Variants in SLX4 observed in about 807,000 individuals in gnomAD.
SLX4 encodes the protein SLX4 structure-specific endonuclease subunit.
Under a neutral mutation model 146.2 loss-of-function variants are expected in SLX4, and 112 were observed. The observed-to-expected ratio is 0.77, with a 90% CI of 0.66 to 0.90. The LOEUF is 0.90. Among genes scored for constraint, SLX4 ranks in the 40% least tolerant of loss-of-function variants. The probability of loss-of-function intolerance (pLI) is 0.00; values close to 1 mark genes in which losing one functional copy is unlikely to be tolerated. For missense variants in SLX4, 2,563 were observed against 2,392.7 expected (o/e 1.07, Z -1.49); for synonymous variants, 1,061 against 997.7 (o/e 1.06, Z -1.20).
chr16:3,587,026 G>A (rs1243395105), intron 12 of SLX4, among the ~76,000 whole-genome samples: 2 of 152,176 alleles, frequency 1.3e-5, no homozygotes, highest in African/African-American at 4.8e-5. Flanking sequence ...GCTGGGGGAA[G>A]GGGAAGGTGA....
At chr16:3,601,368 T>A in intron 4 of SLX4, 177 bp from the exon 5 acceptor site, 1 of 656,066 alleles carries the variant, frequency 1.5e-6, no homozygotes, top group South Asian at 1.7e-5. Context: ...TACACTTAGG[T>A]ATCTGTCAGC....
Position 3,597,862 on chromosome 16 carries a change from G to C in SLX4, c.1301C>G (p.Pro434Arg), listed in dbSNP as rs763337738. The change falls in exon 6 of 15, where the codon CCG becomes CGG. Residue 434 changes from proline (P) to arginine (R), a missense_variant. Physicochemically the swap from Pro to Arg is moderately radical, Grantham distance 103. Transcript: ENST00000294008. This position sits in a 1 kb window ranked among gnomAD's most constrained non-coding sequence, Gnocchi z 4.4. ...CCTGAGCGCTGGTACAGCCGCACCC[G>C]GCTCCATCTCCGACCGGGACAGAGC... ...AMALSRSEMEPGAAVPALRLE... is the reference protein window; with the variant it reads ...AMALSRSEMERGAAVPALRLE... 3 of 1,614,106 alleles carry C rather than the reference G, an allele frequency of 1.9e-6. No individual in the cohort carries two copies. The highest frequency in any genetic ancestry group is 2.5e-6 in the Non-Finnish European group (3 of 1,180,038).
chr16:3,597,246 C>CT lies in SLX4; in HGVS notation c.1683+132dup. 9.6e-7 allele frequency: 1 copy of CT among 1,036,764 alleles called. No individual in the cohort carries two copies. The highest frequency in any genetic ancestry group is 1.7e-5 in the South Asian group (1 of 58,818). The allele number at this position is 1,036,764 out of a possible 1,614,324, so 64.2% of individuals were successfully genotyped here. A position where few individuals can be genotyped will look rare whatever the true frequency, so the allele number is the denominator to read the frequency against. On this transcript the variant is annotated intron_variant, in intron 7 of 14. Transcript: ENST00000294008. This position sits in a 1 kb window ranked among gnomAD's most constrained non-coding sequence, Gnocchi z 4.4. ...AGAAAGCTGCAGCCACCAAGTGCCC[C>CT]TCTGGCCTCCTCCCGCCTCTGCCTT...
Position 3,594,456 on chromosome 16 carries a change from C to T in SLX4, c.2157G>A (p.Gln719=), listed in dbSNP as rs768316000. 6.2e-7 allele frequency: 1 copy of T among 1,612,924 alleles called. No homozygotes were observed. Among genetic ancestry groups the T allele is most frequent in the Non-Finnish European group, 8.5e-7 (1 of 1,179,534 alleles). The stretch of plus-strand genomic sequence containing the variant: ...ACACGGCAGCCCACGTACTTACATA[C>T]TGGATGAGGAGCGGGCATCGGGCAT... The part of the protein sequence containing the change: ...VLYARCPLLI[Q]YVNNEGFSAV... The change falls in exon 10 of 15, where the codon CAG becomes CAA. Residue 719 remains glutamine, a synonymous_variant. Transcript: ENST00000294008.
intron 3 of SLX4, among the ~76,000 whole-genome samples, chr16:3,605,692 A>G (rs1393915557): frequency 6.6e-6 from 1 of 152,104 alleles, no homozygotes; most frequent in Non-Finnish European, 1.5e-5. Flanking sequence ...TCACGCCTGT[A>G]ATCCCAGCAC....
chr16:3,594,572 A>G lies in SLX4; in HGVS notation c.2041T>C (p.Phe681Leu). 6.2e-7 allele frequency: 1 copy of G among 1,614,108 alleles called. No homozygotes were observed. The highest frequency in any genetic ancestry group is 8.5e-7 in the Non-Finnish European group (1 of 1,179,972). Residue 681 changes from phenylalanine to leucine, a missense_variant, in exon 10 of 15, where the codon TTT (phenylalanine) becomes CTT (leucine). Coordinates refer to ENST00000294008, the MANE Select transcript of SLX4 (RefSeq NM_032444.4). Reference protein sequence around the residue: ...LLSLGLLVADFGAMVNNPHLS... With the variant: ...LLSLGLLVADLGAMVNNPHLS... ...TGTGGGTTATTGACCATGGCGCCAA[A>G]GTCAGCAACCAGCAGCCCGAGGGAG...
Position 3,611,588 on chromosome 16 carries a change from C to G in SLX4, c.-631G>C, listed in dbSNP as rs1430818218. 6.6e-6 allele frequency: 1 copy of G among 152,176 alleles called. No homozygotes were observed. Among genetic ancestry groups the G allele is most frequent in the East Asian group, 1.9e-4 (1 of 5,192 alleles). The allele number at this position is 152,176 out of a possible 1,614,324, so 9.4% of individuals were successfully genotyped here. On this transcript the variant is annotated 5_prime_UTR_variant, in exon 1 of 15. Transcript: ENST00000294008. ...CGGCGCCGCCGCGGCACCTTCTTAACGGAGACTCGCGCGCCTGCGCATGCG... is the reference window on the plus strand; with the variant it reads ...CGGCGCCGCCGCGGCACCTTCTTAAGGGAGACTCGCGCGCCTGCGCATGCG...
Position 3,589,347 on chromosome 16 carries a change from C to A in SLX4, c.4291G>T (p.Glu1431Ter). ...IPIDDCCWHM[E>*]PLSPIPIDHW... ...TCAATGGGAATTGGCGAGAGGGGCTCCATGTGCCAGCAGCAGTCGTCAATT... is the reference window on the plus strand; with the variant it reads ...TCAATGGGAATTGGCGAGAGGGGCTACATGTGCCAGCAGCAGTCGTCAATT... The change falls in exon 12 of 15, where the codon GAG becomes TAG. Residue 1431 changes from glutamate (E) to a stop codon, truncating the protein, a stop_gained. Transcript: ENST00000294008. LOFTEE classifies it high-confidence loss of function. This position sits in a 1 kb window ranked among gnomAD's most constrained non-coding sequence, Gnocchi z 6.2. The A allele has an allele frequency of 6.3e-7, 1 of 1,580,302 alleles. No homozygotes were observed. The highest frequency in any genetic ancestry group is 8.6e-7 in the Non-Finnish European group (1 of 1,160,620).
intron 12 of SLX4, among the ~76,000 whole-genome samples, chr16:3,586,656 C>A (rs1272599989): frequency 6.6e-6 from 1 of 151,360 alleles, no homozygotes. Flanking sequence ...ACTAAAAATA[C>A]AAAAAAATTA....
chr16:3,603,117 G>A (rs993292042), intron 3 of SLX4, among the ~76,000 whole-genome samples: 2 of 152,138 alleles, frequency 1.3e-5, no homozygotes, highest in Admixed American at 6.5e-5. Context: ...GCAACGACGC[G>A]ATCTCAGCTC....
Position 3,598,004 on chromosome 16 carries a change from A to G in SLX4, c.1164-5T>C, listed in dbSNP as rs1437288325. 1 of 1,614,134 alleles carries G rather than the reference A, an allele frequency of 6.2e-7. No individual in the cohort carries two copies. The highest frequency in any genetic ancestry group is 8.5e-7 in the Non-Finnish European group (1 of 1,180,028). On this transcript the variant is annotated splice_region_variant and splice_polypyrimidine_tract_variant and intron_variant, in intron 5 of 14. Coordinates refer to ENST00000294008, the MANE Select transcript of SLX4 (RefSeq NM_032444.4). ...CCTCTACTGTGATCACTGAAGCTAG[A>G]AAACAGCCAAAGAGAAAAGTTACTG...
chr16:3,595,530 G>C, intron 9 of SLX4, 75 bp downstream of exon 9: 1 of 1,554,418 alleles, frequency 6.4e-7, no homozygotes, highest in Non-Finnish European at 8.8e-7. Flanking sequence ...GAGGCCAGCG[G>C]TGAGCCAACC....
Position 3,589,743 on chromosome 16 carries a change from T to C in SLX4, c.3895A>G (p.Arg1299Gly). The C allele has an allele frequency of 1.2e-6, 2 of 1,613,828 alleles. No homozygotes were observed. The highest frequency in any genetic ancestry group is 1.7e-6 in the Non-Finnish European group (2 of 1,179,992). The change falls in exon 12 of 15, where the codon AGG (arginine) becomes GGG (glycine). Residue 1299 changes from arginine (R) to glycine (G), a missense_variant. By Grantham distance (125) the Arg-to-Gly change is moderately radical. Coordinates refer to ENST00000294008, the MANE Select transcript of SLX4 (RefSeq NM_032444.4). This position sits in a 1 kb window ranked among gnomAD's most constrained non-coding sequence, Gnocchi z 6.2. Reference protein sequence around the residue: ...QHTPRASVGNREGNEVAQKFS... With the variant: ...QHTPRASVGNGEGNEVAQKFS... ...TTCTGTGCGACTTCGTTCCCTTCCC[T>C]GTTTCCTACTGAGGCCCTGGGCGTG...
In SLX4 at chr16:3,608,536, C is replaced by T. The variant is rs747624579; in HGVS notation, c.429G>A (p.Val143=). The change falls in exon 2 of 15, where the codon GTG becomes GTA. Residue 143 remains valine (V), a synonymous_variant. Transcript: ENST00000294008. ...CAGGTGGATCTGGAGCAGAGGCAAG[C>T]ACACCCCCCTCCCCATTCACAGAGT... ...PAHSVNGEGG[V]LASAPDPPVL... is the part of the protein sequence containing the mutation. The T allele has an allele frequency of 1.2e-6, 2 of 1,614,056 alleles. No homozygotes were observed. The highest frequency in any genetic ancestry group is 1.3e-5 in the African/African-American group (1 of 74,896).
intron 9 of SLX4, 138 bp downstream of exon 9, chr16:3,595,467 G>T: frequency 1.1e-6 from 1 of 923,358 alleles, no homozygotes; most frequent in Non-Finnish European, 1.7e-6. Flanking sequence ...GGATGTGGCA[G>T]CCTTCTGGAA....
In SLX4 at chr16:3,608,927, T is replaced by C; in HGVS notation, c.38A>G (p.Tyr13Cys). ...AGACAGATGAGAAAGTGAACCCAAG[T>C]AGAAGCCTAGCTGAGCCTCATTCAC... ...LSVNEAQLGF[Y>C]LGSLSHLSAC... The change falls in exon 2 of 15, where the codon TAC becomes TGC. Residue 13 changes from tyrosine to cysteine, a missense_variant. By Grantham distance (194) the Tyr-to-Cys change is radical. Coordinates refer to ENST00000294008, the MANE Select transcript of SLX4 (RefSeq NM_032444.4). The C allele has an allele frequency of 1.2e-6, 2 of 1,614,060 alleles. No individual in the cohort carries two copies. The highest frequency in any genetic ancestry group is 1.7e-6 in the Non-Finnish European group (2 of 1,180,024).
At chr16:3,599,574 C>A (rs1596528910) in intron 5 of SLX4, among the ~76,000 whole-genome samples, 1 of 152,152 alleles carries the variant, frequency 6.6e-6, no homozygotes. Flanking sequence ...TCTGTTGCAC[C>A]AACTTTGTTG....
At chr16:3,602,428 C>A (rs2040738545) in intron 3 of SLX4, 121 bp from the exon 4 acceptor site, 3 of 1,146,958 alleles carry the variant, frequency 2.6e-6, no homozygotes, top group Admixed American at 3.5e-5. Flanking sequence ...AAACCAGAAC[C>A]CAGCTCCACT....
chr16:3,596,472 A>G, intron 7 of SLX4, 79 bp from the exon 8 acceptor site: 2 of 1,472,388 alleles, frequency 1.4e-6, no homozygotes, highest in Non-Finnish European at 1.8e-6. Flanking sequence ...CACATGTGGT[A>G]TGCACGGCTG....
Sources: gnomAD v4.1 joint callset for allele counts (sites outside exome capture counted in the v4.1 genomes callset) on GRCh38, gnomAD v4.1.1 for gene constraint, Gnocchi (gnomAD v3.1) non-coding constraint, MANE v1.5 for transcripts, NCBI Gene and HGNC (gene_info 2026-07-23, HGNC 2026-07-21) for gene names.